Variants in ZBTB16 observed in about 807,000 individuals in gnomAD.
The protein encoded by ZBTB16 is zinc finger and BTB domain-containing protein 16.
ZBTB16 carries 8 observed loss-of-function variants against 56.8 expected under a neutral mutation model. The observed-to-expected ratio is 0.14, with a 90% CI of 0.08 to 0.25. The LOEUF is 0.25. Among genes scored for constraint, ZBTB16 ranks in the 10% least tolerant of loss-of-function variants. The pLI is 1.00. For missense variants in ZBTB16, 625 were observed against 903.0 expected (o/e 0.69, Z 3.95); for synonymous variants, 363 against 368.5 (o/e 0.98, Z 0.17).
chr11:114,204,172 G>A (rs1352757507), intron 4 of ZBTB16, among the ~76,000 whole-genome samples: 6 of 137,116 alleles, frequency 4.4e-5, no homozygotes, highest in African/African-American at 1.4e-4. Flanking sequence ...TTTTTTTTCT[G>A]AGACACAGTC....
rs1322005407 is a variant in ZBTB16, at chr11:114,250,282, T to C, written c.1793-44T>C. 4 of 1,599,362 alleles carry C rather than the reference T, an allele frequency of 2.5e-6. No homozygotes were observed. Among genetic ancestry groups the C allele is most frequent in the Admixed American group, 1.7e-5 (1 of 60,006 alleles). On this transcript the variant is annotated intron_variant, in intron 6 of 6. Coordinates refer to ENST00000335953, the MANE Select transcript of ZBTB16 (RefSeq NM_006006.6). This position sits in a 1 kb window ranked among gnomAD's most constrained non-coding sequence, Gnocchi z 6.0. Reference sequence around the variant, plus strand: ...GGGTGACATGGTGCCCTCACCGCCTTCTGTCTGTCCTCACTTTCTCCTGCC... The same window carrying C: ...GGGTGACATGGTGCCCTCACCGCCTCCTGTCTGTCCTCACTTTCTCCTGCC...
intron 2 of ZBTB16, among the ~76,000 whole-genome samples, chr11:114,094,756 C>T (rs1259337694): frequency 6.6e-6 from 1 of 152,228 alleles, no homozygotes; most frequent in Non-Finnish European, 1.5e-5. Flanking sequence ...ATCTGTTTGC[C>T]CCTCAATCAG....
chr11:114,131,734 T>TG lies in ZBTB16; in HGVS notation c.1269-24602dup, dbSNP rs1195770210. ...GACTTCCGGTAGCACTTTCTAATGATGCAGGGTTTATTCTGCTTACCGCGG... is the reference window on the plus strand; with the variant it reads ...GACTTCCGGTAGCACTTTCTAATGATGGCAGGGTTTATTCTGCTTACCGCGG... On this transcript the variant is annotated intron_variant, in intron 2 of 6. Coordinates refer to ENST00000335953, the MANE Select transcript of ZBTB16 (RefSeq NM_006006.6). Among the ~76,000 whole-genome samples the TG allele has an allele frequency of 2.0e-5, 3 of 152,194 alleles. No individual in the cohort carries two copies. The East Asian group carries it at 5.8e-4, about 29-fold the overall frequency.
At chr11:114,138,383 C>T (rs528763109) in intron 2 of ZBTB16, among the ~76,000 whole-genome samples, 1 of 152,326 alleles carries the variant, frequency 6.6e-6, no homozygotes, top group Admixed American at 6.5e-5. Context: ...TTATTTTCTA[C>T]TTAGGTTGCC....
intron 2 of ZBTB16, among the ~76,000 whole-genome samples, chr11:114,067,492 T>G (rs1939160679): frequency 6.6e-6 from 1 of 151,964 alleles, no homozygotes; most frequent in African/African-American, 2.4e-5. Flanking sequence ...CTGCAACCTC[T>G]ACTTCCCGGG....
chr11:114,236,311 G>A (rs887870049), intron 4 of ZBTB16, among the ~76,000 whole-genome samples: 13 of 152,194 alleles, frequency 8.5e-5, no homozygotes, highest in South Asian at 2.1e-4. Context: ...TCTTATCCTA[G>A]ATGAAGAAAC....
At chr11:114,065,465 G>A (rs183860580) in intron 2 of ZBTB16, among the ~76,000 whole-genome samples, 1 of 152,088 alleles carries the variant, frequency 6.6e-6, no homozygotes, top group Non-Finnish European at 1.5e-5. Flanking sequence ...TGCCCAGGCT[G>A]GAGTGCAATG....
At chr11:114,079,076 C>T (rs1437526091) in intron 2 of ZBTB16, among the ~76,000 whole-genome samples, 1 of 148,482 alleles carries the variant, frequency 6.7e-6, no homozygotes, top group Non-Finnish European at 1.5e-5. Context: ...TGCCGTTGCA[C>T]TCCAGCCCAA....
At chr11:114,121,600 A>T (rs1393828753) in intron 2 of ZBTB16, among the ~76,000 whole-genome samples, 2 of 152,144 alleles carry the variant, frequency 1.3e-5, no homozygotes, top group African/African-American at 4.8e-5. Context: ...ATCCCATGAC[A>T]TAGGGACTGG....
intron 3 of ZBTB16, among the ~76,000 whole-genome samples, chr11:114,178,735 T>TTC: frequency 6.6e-6 from 1 of 152,170 alleles, no homozygotes; most frequent in African/African-American, 2.4e-5. Context: ...ACCATGCAGC[T>TTC]TCCTAGTAGC....
intron 2 of ZBTB16, among the ~76,000 whole-genome samples, chr11:114,141,580 C>T (rs1054984542): frequency 7.9e-5 from 12 of 152,320 alleles, no homozygotes; most frequent in East Asian, 1.9e-4. Context: ...TATGTACCTT[C>T]GCAGGTAACA....
chr11:114,116,811 A>G (rs570380464), intron 2 of ZBTB16, among the ~76,000 whole-genome samples: 22 of 152,232 alleles, frequency 1.4e-4, no homozygotes, highest in Non-Finnish European at 2.9e-4. Context: ...TATTTATTCA[A>G]TGAGTGTTTA....
In ZBTB16 at chr11:114,146,250, A is replaced by G. The variant is rs367704280; in HGVS notation, c.1269-10087A>G. Among the ~76,000 whole-genome samples, 12 of 151,228 alleles carry G rather than the reference A, an allele frequency of 7.9e-5. No individual in the cohort carries two copies. In the South Asian group the frequency reaches 1.7e-3, roughly 21 times the overall value. On this transcript the variant is annotated intron_variant, in intron 2 of 6. Coordinates refer to ENST00000335953, the MANE Select transcript of ZBTB16 (RefSeq NM_006006.6). ...TAGAGGCCTCTCTGTTCTTGCTTCT[A>G]TTCAATTAGATGGAGAAAATCCCAG... is the stretch of plus-strand genomic sequence containing the variant.
intron 5 of ZBTB16, among the ~76,000 whole-genome samples, chr11:114,244,046 A>G (rs1191929176): frequency 6.6e-6 from 1 of 152,174 alleles, no homozygotes; most frequent in African/African-American, 2.4e-5. Context: ...CCAGCGAGGC[A>G]CTGCGCACAC....
chr11:114,237,702 C>T (rs565459158), intron 4 of ZBTB16, among the ~76,000 whole-genome samples: 64 of 145,024 alleles, frequency 4.4e-4, no homozygotes, highest in African/African-American at 1.2e-3. Context: ...ATCATACATG[C>T]GAACAATCAG....
chr11:114,086,633 G>A (rs1939966224), intron 2 of ZBTB16, among the ~76,000 whole-genome samples: 1 of 152,186 alleles, frequency 6.6e-6, no homozygotes, highest in African/African-American at 2.4e-5. Flanking sequence ...TATGGACAAA[G>A]CACTTTACTT....
At chr11:114,129,076 C>T (rs1195952310) in intron 2 of ZBTB16, among the ~76,000 whole-genome samples, 2 of 152,146 alleles carry the variant, frequency 1.3e-5, no homozygotes, top group East Asian at 3.9e-4. Context: ...TGGGTGGGGG[C>T]GTGTGGTAGC....
chr11:114,224,287 T>C (rs1944290132), intron 4 of ZBTB16, among the ~76,000 whole-genome samples: 2 of 152,116 alleles, frequency 1.3e-5, no homozygotes, highest in South Asian at 2.1e-4. Context: ...CCGAAAACAT[T>C]TGGTAATTGA....
intron 3 of ZBTB16, among the ~76,000 whole-genome samples, chr11:114,164,663 G>T (rs1365758098): frequency 1.3e-5 from 2 of 152,218 alleles, no homozygotes; most frequent in African/African-American, 4.8e-5. Flanking sequence ...GTTCTTAGGA[G>T]GCCTGGCCGT....
Sources: allele counts gnomAD v4.1 joint callset (sites outside exome capture counted in the v4.1 genomes callset), GRCh38; gene constraint gnomAD v4.1.1; non-coding constraint Gnocchi (gnomAD v3.1); transcripts MANE v1.5; gene names NCBI Gene and HGNC (gene_info 2026-07-23, HGNC 2026-07-21).